The following MILR1 variants were observed in gnomAD, a reference collection of about 807,000 sequenced individuals.
MILR1 encodes allergin-1.
Under a neutral mutation model 18.5 loss-of-function variants are expected in MILR1, and 31 were observed. That is an observed-to-expected ratio of 1.68 (90% CI 1.26 to 2.26). The LOEUF (loss-of-function observed/expected upper bound fraction) is 2.26, where lower values mean the gene tolerates loss of function less well. Among genes scored for constraint, MILR1 ranks in the 30% most tolerant of loss-of-function variants. The probability of loss-of-function intolerance (pLI) is 0.00; values close to 1 mark genes in which losing one functional copy is unlikely to be tolerated. For synonymous variants in MILR1, 85 were observed against 56.2 expected (o/e 1.51, Z -2.30); for missense variants, 257 against 157.4 (o/e 1.63, Z -3.38).
intron 4 of MILR1, among the ~76,000 whole-genome samples, chr17:64,458,969 C>CT (rs1256881997): frequency 2.0e-5 from 3 of 152,168 alleles, no homozygotes; most frequent in African/African-American, 7.2e-5. Context: ...TGCAAGGCCC[C>CT]TTAGGGTGCA....
At chr17:64,455,625 T>TA (rs2037278062) in intron 3 of MILR1, among the ~76,000 whole-genome samples, 1 of 150,364 alleles carries the variant, frequency 6.7e-6, no homozygotes, top group Admixed American at 6.6e-5. Context: ...GGCTAATTTT[T>TA]TTTTTTTTGT....
chr17:64,489,670 T>C, the MILR1 span, among the ~76,000 whole-genome samples: 3 of 151,896 alleles, frequency 2.0e-5, no homozygotes, highest in Non-Finnish European at 4.4e-5. Context: ...TGAGGCAGGA[T>C]TGCTTGAGCT....
At chr17:64,497,011 G>T in the MILR1 span, 1 of 1,557,222 alleles carries the variant, frequency 6.4e-7, no homozygotes. Flanking sequence ...TCACTCAACG[G>T]ATCCCAACAA....
At chr17:64,466,260 A>T (rs1193974727) in intron 6 of MILR1, among the ~76,000 whole-genome samples, 182 bp from the exon 7 acceptor site, 2 of 152,182 alleles carry the variant, frequency 1.3e-5, no homozygotes, top group African/African-American at 2.4e-5. Context: ...AGATGTGGGG[A>T]TTATGGGGAC....
Position 64,457,666 on chromosome 17 carries a change from G to T in MILR1, c.634G>T (p.Val212Phe). 1 of 474,816 alleles carries T rather than the reference G, an allele frequency of 2.1e-6. No individual in the cohort carries two copies. The allele number at this position is 474,816 out of a possible 1,614,324, so 29.4% of individuals were successfully genotyped here. The change falls in exon 4 of 10, where the codon GTC becomes TTC. Residue 212 changes from valine (V) to phenylalanine (F), a missense_variant. Physicochemically the swap from Val to Phe is conservative, Grantham distance 50. Transcript: ENST00000619286. The part of the protein sequence containing the change: ...LPNYATYSHP[V>F]TMPSTGGDSC... ...TAACTATGCAACATACAGTCACCCT[G>T]TCACCATGCCCTCAACAGGTAAGAG...
chr17:64,481,463 G>T, the MILR1 span: 47 of 965,562 alleles, frequency 4.9e-5, no homozygotes, highest in Middle Eastern at 1.1e-3. Flanking sequence ...CGAAATGAAA[G>T]CCATCCCCCA....
At chr17:64,492,150 C>T in the MILR1 span, among the ~76,000 whole-genome samples, 3 of 152,142 alleles carry the variant, frequency 2.0e-5, no homozygotes, top group African/African-American at 7.2e-5. Flanking sequence ...CTCATTCTTA[C>T]CCTTCTGCGA....
At chr17:64,470,849 G>T (rs1417072356), downstream of MILR1, among the ~76,000 whole-genome samples, 1 of 152,208 alleles carries the variant, frequency 6.6e-6, no homozygotes, top group Admixed American at 6.5e-5. Context: ...GCAGCTAAGA[G>T]AAGCCAATTA....
the MILR1 span, among the ~76,000 whole-genome samples, chr17:64,474,502 G>A: frequency 2.6e-5 from 4 of 152,230 alleles, no homozygotes; most frequent in African/African-American, 9.6e-5. Context: ...AGCTTCCCAA[G>A]TAGCTGGGAC....
intron 2 of MILR1, among the ~76,000 whole-genome samples, chr17:64,449,946 CT>C (rs10650884): frequency 9.2e-4 from 134 of 144,928 alleles, no homozygotes; most frequent in Middle Eastern, 3.5e-3. Context: ...TTCTTTCTTT[CT>C]TTTTTTTTTT....
chr17:64,491,745 TC>T, the MILR1 span: 1 of 757,538 alleles, frequency 1.3e-6, no homozygotes, highest in South Asian at 1.3e-5. Flanking sequence ...CTACTGCCTT[TC>T]CTACAAGGAG....
At chr17:64,496,256 C>T in the MILR1 span, 13 of 612,216 alleles carry the variant, frequency 2.1e-5, no homozygotes, top group Non-Finnish European at 3.8e-5. Context: ...GGGTAGAGCA[C>T]TGTTAATATA....
intron 8 of MILR1, 88 bp downstream of exon 8, chr17:64,466,750 G>C: frequency 1.8e-6 from 2 of 1,103,870 alleles, no homozygotes; most frequent in Non-Finnish European, 2.7e-6. Flanking sequence ...TCAGGAGCCC[G>C]TTAATGGGGT....
chr17:64,491,820 C>A, the MILR1 span: 1 of 456,580 alleles, frequency 2.2e-6, no homozygotes, highest in Non-Finnish European at 4.0e-6. Context: ...CCCCAGCAAC[C>A]TTCTTGGCTG....
intron 9 of MILR1, 69 bp from the exon 10 acceptor site, chr17:64,468,236 CTCCCT>C (rs1235610076): frequency 2.2e-6 from 1 of 455,912 alleles, no homozygotes; most frequent in Non-Finnish European, 4.4e-6. Context: ...TTGTGGTTGC[CTCCCT>C]TCAACTTCTG....
At chr17:64,450,240 A>G (rs1273362545) in intron 2 of MILR1, among the ~76,000 whole-genome samples, 10 of 151,934 alleles carry the variant, frequency 6.6e-5, no homozygotes, top group African/African-American at 2.2e-4. Flanking sequence ...AATTTATTTC[A>G]TCTGTGAAGT....
At chr17:64,463,244 G>A (rs1485240043) in intron 5 of MILR1, among the ~76,000 whole-genome samples, 1 of 151,938 alleles carries the variant, frequency 6.6e-6, no homozygotes, top group Non-Finnish European at 1.5e-5. Context: ...CTGGACTCAG[G>A]CGATCCTCCC....
At chr17:64,455,303 G>T (rs1481759733) in intron 3 of MILR1, among the ~76,000 whole-genome samples, 1 of 152,140 alleles carries the variant, frequency 6.6e-6, no homozygotes, top group Non-Finnish European at 1.5e-5. Context: ...AGTTAGGCCA[G>T]ATCAATAGGC....
the MILR1 span, among the ~76,000 whole-genome samples, chr17:64,492,385 G>T: frequency 6.6e-6 from 1 of 152,222 alleles, no homozygotes; most frequent in Non-Finnish European, 1.5e-5. Context: ...AATGGTCAAG[G>T]GTCAAACTCT....
Sources: allele counts gnomAD v4.1 joint callset (sites outside exome capture counted in the v4.1 genomes callset), GRCh38; gene constraint gnomAD v4.1.1; transcripts MANE v1.5; gene names NCBI Gene and HGNC (gene_info 2026-07-23, HGNC 2026-07-21).